The following TMEM177 variants were observed in gnomAD, a reference collection of about 807,000 sequenced individuals.
The protein encoded by TMEM177 is transmembrane protein 177.
Under a neutral mutation model 14.2 loss-of-function variants are expected in TMEM177, and 4 were observed. The ratio of observed to expected loss-of-function variants is 0.28; its 90% CI spans 0.14 to 0.64. The LOEUF (loss-of-function observed/expected upper bound fraction) is 0.64. TMEM177 is among the 30% of genes least tolerant of loss of function. TMEM177 has a pLI of 0.82. For missense variants in TMEM177, 344 were observed against 405.2 expected, an observed-to-expected ratio of 0.85 and a Z score of 1.30; for synonymous variants, 179 against 174.5, an observed-to-expected ratio of 1.03 and a Z score of -0.20.
chr2:119,699,132 A>G, the TMEM177 span: 14 of 159,086 alleles, frequency 8.8e-5, no homozygotes, highest in South Asian at 2.4e-3. Context: ...TCACACTGCC[A>G]TAAACAACTG....
chr2:119,692,628 G>A, the TMEM177 span, among the ~76,000 whole-genome samples: 2 of 152,234 alleles, frequency 1.3e-5, no homozygotes, highest in African/African-American at 4.8e-5. Flanking sequence ...CCCACACAGT[G>A]CCTCAGGCTG....
the TMEM177 span, among the ~76,000 whole-genome samples, chr2:119,697,014 G>A: frequency 6.6e-6 from 1 of 152,226 alleles, no homozygotes; most frequent in Non-Finnish European, 1.5e-5. Flanking sequence ...CCCTGCCCTG[G>A]GGAAATTCTC....
downstream of TMEM177, among the ~76,000 whole-genome samples, chr2:119,683,479 C>T (rs1027500394): frequency 7.2e-5 from 11 of 152,180 alleles, no homozygotes; most frequent in Admixed American, 3.9e-4. Context: ...CTGAGCAGTA[C>T]GGTCTGGGGC....
chr2:119,701,869 T>C, the TMEM177 span, among the ~76,000 whole-genome samples: 4 of 152,150 alleles, frequency 2.6e-5, no homozygotes, highest in Non-Finnish European at 5.9e-5. Context: ...CAAAGTGAGC[T>C]TTTCTTGCTG....
chr2:119,712,172 C>T, the TMEM177 span, among the ~76,000 whole-genome samples: 1 of 151,468 alleles, frequency 6.6e-6, no homozygotes, highest in Non-Finnish European at 1.5e-5. Context: ...GGTCTTTGGG[C>T]CCGTTTCTTT....
chr2:119,688,197 G>C (rs1036127970), downstream of TMEM177, among the ~76,000 whole-genome samples: 7 of 152,142 alleles, frequency 4.6e-5, no homozygotes, highest in African/African-American at 1.7e-4. Flanking sequence ...TTTTAAAAAT[G>C]AGGTACAATC....
At chr2:119,721,461 C>A in the TMEM177 span, among the ~76,000 whole-genome samples, 1 of 152,172 alleles carries the variant, frequency 6.6e-6, no homozygotes, top group African/African-American at 2.4e-5. Context: ...AAACTATAAT[C>A]ATAATGTAGG....
At chr2:119,706,021 T>A in the TMEM177 span, among the ~76,000 whole-genome samples, 2 of 71,984 alleles carry the variant, frequency 2.8e-5, no homozygotes, top group Admixed American at 1.5e-4. Context: ...TTATATATAT[T>A]TATATATATA....
chr2:119,688,793 G>C (rs930400687), downstream of TMEM177, among the ~76,000 whole-genome samples: 12 of 152,172 alleles, frequency 7.9e-5, no homozygotes, highest in Non-Finnish European at 1.6e-4. Context: ...CCAGCCTTCT[G>C]TCTGTCGGTT....
chr2:119,703,888 A>T, the TMEM177 span, among the ~76,000 whole-genome samples: 1 of 152,266 alleles, frequency 6.6e-6, no homozygotes, highest in Non-Finnish European at 1.5e-5. Context: ...GTGCCTCAAC[A>T]TCCTTTGTTG....
chr2:119,683,317 G>A (rs563904361), downstream of TMEM177, among the ~76,000 whole-genome samples: 11 of 152,308 alleles, frequency 7.2e-5, no homozygotes, highest in Admixed American at 7.2e-4. Context: ...ACTGGGCACG[G>A]GCTTGGAATA....
the TMEM177 span, among the ~76,000 whole-genome samples, chr2:119,722,227 A>C: frequency 6.6e-6 from 1 of 152,086 alleles, no homozygotes; most frequent in East Asian, 1.9e-4. Context: ...AAAAAGTTAG[A>C]AAAAATAAGC....
At chr2:119,710,765 C>T in the TMEM177 span, among the ~76,000 whole-genome samples, 3 of 151,882 alleles carry the variant, frequency 2.0e-5, no homozygotes, top group Admixed American at 6.6e-5. Flanking sequence ...GCCCCCACCA[C>T]CCCCAGCTAT....
the TMEM177 span, among the ~76,000 whole-genome samples, chr2:119,708,682 C>T: frequency 2.0e-5 from 3 of 151,374 alleles, no homozygotes; most frequent in Admixed American, 2.0e-4. Context: ...CACATACACA[C>T]ACACACAGTC....
downstream of TMEM177, among the ~76,000 whole-genome samples, chr2:119,683,868 C>T (rs1018213034): frequency 1.3e-5 from 2 of 152,176 alleles, no homozygotes; most frequent in Admixed American, 1.3e-4. Context: ...CCACTGAGAG[C>T]CCCCCTGGCA....
the TMEM177 span, among the ~76,000 whole-genome samples, chr2:119,706,023 A>ATATATTATATATTTTTT: frequency 1.7e-3 from 41 of 24,008 alleles, no homozygotes; most frequent in Non-Finnish European, 3.7e-3. Context: ...ATATATATTT[A>ATATATTATATATTTTTT]TATATATATA....
the TMEM177 span, among the ~76,000 whole-genome samples, chr2:119,712,540 C>T: frequency 6.6e-6 from 1 of 152,008 alleles, no homozygotes; most frequent in African/African-American, 2.4e-5. Context: ...GAGAAAAGGC[C>T]ACATGAAGGC....
At chr2:119,688,940 A>T (rs774656310), downstream of TMEM177, among the ~76,000 whole-genome samples, 15 of 152,200 alleles carry the variant, frequency 9.9e-5, no homozygotes, top group Middle Eastern at 3.4e-3. Context: ...GAGCGTGGGG[A>T]CAGTACTGCT....
chr2:119,706,086 G>A, the TMEM177 span, among the ~76,000 whole-genome samples: 2 of 150,006 alleles, frequency 1.3e-5, no homozygotes, highest in East Asian at 3.9e-4. Flanking sequence ...GTGCAGTGGC[G>A]CAATCTTGCT....
Sources: allele counts gnomAD v4.1 joint callset (sites outside exome capture counted in the v4.1 genomes callset), GRCh38; gene constraint gnomAD v4.1.1; transcripts MANE v1.5; gene names NCBI Gene and HGNC (gene_info 2026-07-23, HGNC 2026-07-21).